LIFR: variants seen among roughly 807,000 people sequenced by gnomAD.
LIFR encodes the protein LIF receptor subunit alpha.
A neutral mutation model predicts 122.2 loss-of-function variants in LIFR; 84 were observed. The observed-to-expected ratio is 0.69, with a 90% CI of 0.58 to 0.82. The LOEUF (loss-of-function observed/expected upper bound fraction) is 0.82. Among genes scored for constraint, LIFR ranks in the 40% least tolerant of loss-of-function variants. The pLI, the probability that LIFR is intolerant of heterozygous loss-of-function variation, is 0.00. For synonymous variants in LIFR, 422 were observed against 434.7 expected (o/e 0.97, Z 0.36); for missense variants, 1,294 against 1,311.6 (o/e 0.99, Z 0.21).
intron 1 of LIFR, chr5:38,530,890 G>A: frequency 6.2e-6 from 3 of 484,790 alleles, no homozygotes; most frequent in South Asian, 2.8e-5. Context: ...TCAAATGATG[G>A]GCTTCAAGTT....
chr5:38,524,143 TTC>T (rs770190590), intron 4 of LIFR, among the ~76,000 whole-genome samples: 1 of 152,190 alleles, frequency 6.6e-6, no homozygotes, highest in African/African-American at 2.4e-5. Flanking sequence ...TGGTAAAGGC[TTC>T]TCTCTGTTTT....
intron 1 of LIFR, among the ~76,000 whole-genome samples, chr5:38,537,384 G>T (rs10071887): frequency 0.51 from 77,947 of 151,992 alleles, 21,739 homozygotes; most frequent in African/African-American, 0.74. Context: ...CGGGACTCAC[G>T]CTATCATACT....
chr5:38,534,255 C>T (rs1747173180), intron 1 of LIFR, among the ~76,000 whole-genome samples: 2 of 152,162 alleles, frequency 1.3e-5, no homozygotes, highest in Non-Finnish European at 2.9e-5. Context: ...GCATTAGCTC[C>T]CAGTGAAGAA....
chr5:38,605,891 T>C (rs371875327), intron 2 of LIFR, among the ~76,000 whole-genome samples: 1 of 152,210 alleles, frequency 6.6e-6, no homozygotes, highest in East Asian at 1.9e-4. Context: ...TTACGTATAT[T>C]GATTGATGTC....
chr5:38,534,205 C>T (rs868042854), intron 1 of LIFR, among the ~76,000 whole-genome samples: 1 of 152,152 alleles, frequency 6.6e-6, no homozygotes, highest in African/African-American at 2.4e-5. Context: ...AACTATTTTC[C>T]TTATCCCATT....
intron 1 of LIFR, among the ~76,000 whole-genome samples, chr5:38,570,742 T>G (rs1208328076): frequency 6.6e-5 from 10 of 152,188 alleles, no homozygotes; most frequent in Admixed American, 6.6e-4. Context: ...GAAGATGCCA[T>G]TTTTTCAGCA....
chr5:38,491,140 T>C (rs1028075677), intron 14 of LIFR, among the ~76,000 whole-genome samples: 3 of 152,218 alleles, frequency 2.0e-5, no homozygotes, highest in African/African-American at 7.2e-5. Context: ...TAAGTGTCCT[T>C]GGGTGAGTTA....
At chr5:38,565,680 C>T (rs1212264379) in intron 1 of LIFR, among the ~76,000 whole-genome samples, 5 of 151,760 alleles carry the variant, frequency 3.3e-5, no homozygotes, top group African/African-American at 9.7e-5. Context: ...CCCCACCTCC[C>T]GGGTTCAAGT....
chr5:38,604,575 C>T (rs529143743), intron 2 of LIFR, among the ~76,000 whole-genome samples: 3 of 152,098 alleles, frequency 2.0e-5, no homozygotes, highest in Admixed American at 6.5e-5. Context: ...GTGGTGGGCA[C>T]CTGTAATCTC....
intron 14 of LIFR, among the ~76,000 whole-genome samples, chr5:38,491,050 TAA>T (rs1317775615): frequency 3.9e-5 from 6 of 152,084 alleles, no homozygotes; most frequent in African/African-American, 1.4e-4. Context: ...GAAGCAGAAT[TAA>T]AAGTTGCACT....
chr5:38,511,903 T>C lies in LIFR; in HGVS notation c.623A>G (p.Asp208Gly). ...ATGAATGGCACATTCCAAGGGCATA[T>C]CTGAGGCCCAACTCCAGTGATGAAG... ...DTLHHWSWAS[D>G]MPLECAIHFV... The change falls in exon 6 of 20, where the codon GAT becomes GGT. Residue 208 changes from aspartate (D) to glycine (G), a missense_variant. By Grantham distance (94) the Asp-to-Gly change is moderately conservative. Coordinates refer to ENST00000453190, the MANE Select transcript of LIFR (RefSeq NM_001127671.2). The C allele has an allele frequency of 6.2e-7, 1 of 1,614,134 alleles. No homozygotes were observed.
At chr5:38,529,331 C>CA (rs1746876784) in intron 2 of LIFR, among the ~76,000 whole-genome samples, 1 of 152,054 alleles carries the variant, frequency 6.6e-6, no homozygotes. Flanking sequence ...AGTTTTTAAA[C>CA]AAAACTTTGA....
At chr5:38,543,845 C>A (rs1747723547) in intron 1 of LIFR, among the ~76,000 whole-genome samples, 1 of 152,120 alleles carries the variant, frequency 6.6e-6, no homozygotes, top group Admixed American at 6.5e-5. Flanking sequence ...CCACTTTCTA[C>A]CTGACTTTTC....
intron 2 of LIFR, among the ~76,000 whole-genome samples, chr5:38,603,922 A>G (rs73749295): frequency 0.041 from 6,209 of 152,136 alleles, 410 homozygotes; most frequent in African/African-American, 0.14. Context: ...CTATTATCCT[A>G]TTGTTGCTTA....
At chr5:38,487,191 G>C (rs946869976) in intron 16 of LIFR, among the ~76,000 whole-genome samples, 1 of 152,106 alleles carries the variant, frequency 6.6e-6, no homozygotes, top group East Asian at 1.9e-4. Context: ...TTCCTGGACC[G>C]GCCTCACTTC....
chr5:38,536,753 G>GAAC (rs1747314734), intron 1 of LIFR, among the ~76,000 whole-genome samples: 1 of 152,208 alleles, frequency 6.6e-6, no homozygotes, highest in Non-Finnish European at 1.5e-5. Context: ...AACTATGACA[G>GAAC]TCTGGGGACC....
At position 38,549,370 on chromosome 5, in the gene LIFR, A is replaced by G. The variant is rs150962031; in HGVS notation, c.-20+6964T>C. Among the ~76,000 whole-genome samples, 1,467 of 152,268 alleles carry G rather than the reference A, an allele frequency of 9.6e-3. 8 individuals carry two copies. Among genetic ancestry groups the G allele is most frequent in the Middle Eastern group, 0.02 (6 of 294 alleles). On this transcript the variant is annotated intron_variant, in intron 1 of 19. Transcript: ENST00000453190. ...GTTTACAAATATTGAGTATCTTTCC[A>G]CATCTATAAATATTCCCCTACATCA...
chr5:38,577,970 T>C (rs1347603705), intron 1 of LIFR, among the ~76,000 whole-genome samples: 1 of 152,182 alleles, frequency 6.6e-6, no homozygotes, highest in African/African-American at 2.4e-5. Context: ...CATGGTGCCT[T>C]CTTAAATTGA....
intron 5 of LIFR, among the ~76,000 whole-genome samples, chr5:38,517,046 G>A (rs761674116): frequency 3.3e-5 from 5 of 151,974 alleles, no homozygotes; most frequent in Admixed American, 6.6e-5. Flanking sequence ...ATCACACATC[G>A]GGGCCTGTCA....
Sources: gnomAD v4.1 joint callset for allele counts (sites outside exome capture counted in the v4.1 genomes callset) on GRCh38, gnomAD v4.1.1 for gene constraint, MANE v1.5 for transcripts, NCBI Gene and HGNC (gene_info 2026-07-23, HGNC 2026-07-21) for gene names.